Variants in ARID2 observed in about 807,000 individuals in gnomAD.
ARID2 encodes the protein AT-rich interactive domain-containing protein 2.
In ARID2, 32 loss-of-function variants were observed where a neutral mutation model predicts 184.6. That is an observed-to-expected ratio of 0.17 (90% CI 0.13 to 0.23). The LOEUF is 0.23. Ranked by LOEUF, ARID2 falls within the 10% of genes least tolerant of loss-of-function variation. ARID2 has a pLI of 1.00. For missense variants in ARID2, 1,696 were observed against 2,197.6 expected, an observed-to-expected ratio of 0.77 and a Z score of 4.56; for synonymous variants, 836 against 772.6, an observed-to-expected ratio of 1.08 and a Z score of -1.36.
intron 3 of ARID2, among the ~76,000 whole-genome samples, chr12:45,763,662 A>T (rs977499897): frequency 7.7e-6 from 1 of 129,624 alleles, no homozygotes; most frequent in Non-Finnish European, 1.5e-5. Flanking sequence ...ATTTTTTTTA[A>T]AATTTTTTTG....
intron 18 of ARID2, among the ~76,000 whole-genome samples, chr12:45,892,317 C>A (rs1054182527): frequency 6.6e-5 from 10 of 152,164 alleles, no homozygotes; most frequent in Admixed American, 3.3e-4. Flanking sequence ...CCTTTCAGCT[C>A]TAACACTGAT....
chr12:45,800,311 G>C (rs1942472831), intron 3 of ARID2, among the ~76,000 whole-genome samples: 1 of 152,142 alleles, frequency 6.6e-6, no homozygotes. Flanking sequence ...TTTATCTGAA[G>C]ACACAAAGAA....
intron 6 of ARID2, among the ~76,000 whole-genome samples, chr12:45,834,424 C>G (rs1219332824): frequency 6.6e-6 from 1 of 152,078 alleles, no homozygotes; most frequent in Non-Finnish European, 1.5e-5. Context: ...GGAACAGTTT[C>G]ACTATTTAAA....
At chr12:45,790,776 G>A (rs924301078) in intron 3 of ARID2, among the ~76,000 whole-genome samples, 2 of 152,160 alleles carry the variant, frequency 1.3e-5, no homozygotes, top group African/African-American at 4.8e-5. Flanking sequence ...TTCAACACAA[G>A]TTGTGGTGGC....
At chr12:45,821,741 C>T (rs1168978397) in intron 6 of ARID2, among the ~76,000 whole-genome samples, 1 of 152,096 alleles carries the variant, frequency 6.6e-6, no homozygotes, top group Non-Finnish European at 1.5e-5. Context: ...AATTGAATGA[C>T]CCTCTTCTCA....
chr12:45,903,982 C>T (rs976699936), intron 20 of ARID2, among the ~76,000 whole-genome samples: 1 of 152,144 alleles, frequency 6.6e-6, no homozygotes, highest in African/African-American at 2.4e-5. Context: ...TATCACATAT[C>T]TGTCCATTTA....
intron 3 of ARID2, among the ~76,000 whole-genome samples, chr12:45,792,136 ATAAT>A (rs1309727346): frequency 6.6e-6 from 1 of 152,226 alleles, no homozygotes. Flanking sequence ...ATGGATGCTC[ATAAT>A]TAATTTTCAT....
chr12:45,799,482 A>G (rs1483727092), intron 3 of ARID2, among the ~76,000 whole-genome samples: 1 of 152,194 alleles, frequency 6.6e-6, no homozygotes, highest in South Asian at 2.1e-4. Flanking sequence ...ATTTATTTTC[A>G]TCTTGCCCAT....
chr12:45,832,044 G>T (rs965183100), intron 6 of ARID2, among the ~76,000 whole-genome samples: 14 of 152,038 alleles, frequency 9.2e-5, no homozygotes, highest in African/African-American at 2.9e-4. Flanking sequence ...CCTTTTCTGT[G>T]ATTTCTGCCT....
intron 3 of ARID2, among the ~76,000 whole-genome samples, chr12:45,810,350 AGTGGGGGGATACAC>A (rs1347587557): frequency 6.6e-6 from 1 of 152,196 alleles, no homozygotes; most frequent in African/African-American, 2.4e-5. Flanking sequence ...ATGGTGATAC[AGTGGGGGGATACAC>A]TGTCTTATAA....
At chr12:45,774,777 T>C (rs952406284) in intron 3 of ARID2, among the ~76,000 whole-genome samples, 1 of 152,206 alleles carries the variant, frequency 6.6e-6, no homozygotes, top group African/African-American at 2.4e-5. Context: ...GGCTAACATT[T>C]GTTGAATGCT....
At chr12:45,862,558 C>T (rs1489189230) in intron 16 of ARID2, among the ~76,000 whole-genome samples, 1 of 152,090 alleles carries the variant, frequency 6.6e-6, no homozygotes, top group African/African-American at 2.4e-5. Flanking sequence ...AAAAAGTTTA[C>T]GAAGCTTGTC....
Position 45,821,491 on chromosome 12 carries a change from A to G in ARID2, c.705+4A>G. 6.8e-7 allele frequency: 1 copy of G among 1,477,562 alleles called. No homozygotes were observed. The highest frequency in any genetic ancestry group is 9.0e-7 in the Non-Finnish European group (1 of 1,113,546). The allele number at this position is 1,477,562 out of a possible 1,614,324, so 91.5% of individuals were successfully genotyped here. A position where few individuals can be genotyped will look rare whatever the true frequency, so the allele number is the denominator to read the frequency against. On this transcript the variant is annotated splice_donor_region_variant and intron_variant, in intron 6 of 20. Coordinates refer to ENST00000334344, the MANE Select transcript of ARID2 (RefSeq NM_152641.4). ...GACTGATAGAGACTTCGTTAAGGTA[A>G]ATCATTTTAATTAAAATGTTGATTC...
chr12:45,797,975 T>A (rs536448165), intron 3 of ARID2, among the ~76,000 whole-genome samples: 1 of 152,226 alleles, frequency 6.6e-6, no homozygotes, highest in South Asian at 2.1e-4. Context: ...ACTATGAGGC[T>A]AACTGCTATT....
At chr12:45,745,511 A>G (rs1035867459) in intron 3 of ARID2, among the ~76,000 whole-genome samples, 10 of 152,182 alleles carry the variant, frequency 6.6e-5, no homozygotes, top group African/African-American at 2.4e-4. Context: ...TTAGAAGACT[A>G]TCAGAGATTT....
chr12:45,843,140 C>CT (rs960202974), intron 11 of ARID2, among the ~76,000 whole-genome samples: 26 of 146,954 alleles, frequency 1.8e-4, no homozygotes, highest in Admixed American at 4.1e-4. Context: ...CATTAGAGGC[C>CT]TTTTTTTTTT....
At chr12:45,750,177 G>A (rs1327486828) in intron 3 of ARID2, among the ~76,000 whole-genome samples, 8 of 152,254 alleles carry the variant, frequency 5.3e-5, no homozygotes, top group East Asian at 1.9e-4. Context: ...CTTAGAGGCC[G>A]TTGTGGCCTA....
chr12:45,745,733 A>G (rs1168120741), intron 3 of ARID2, among the ~76,000 whole-genome samples: 1 of 152,108 alleles, frequency 6.6e-6, no homozygotes, highest in Non-Finnish European at 1.5e-5. Flanking sequence ...TACGTTTAGT[A>G]GAGACAGGGT....
At chr12:45,856,028 GCTTAAAT>G (rs1389774528) in intron 15 of ARID2, among the ~76,000 whole-genome samples, 23 of 145,534 alleles carry the variant, frequency 1.6e-4, no homozygotes, top group Non-Finnish European at 6.0e-5. Context: ...AACAGACCTG[GCTTAAAT>G]TTCTTTATGT....
Sources: gnomAD v4.1 joint callset for allele counts (sites outside exome capture counted in the v4.1 genomes callset) on GRCh38, gnomAD v4.1.1 for gene constraint, MANE v1.5 for transcripts, NCBI Gene and HGNC (gene_info 2026-07-23, HGNC 2026-07-21) for gene names.